SLC4A4: variants seen among roughly 807,000 people sequenced by gnomAD.
The protein encoded by SLC4A4 is electrogenic sodium bicarbonate cotransporter 1.
In SLC4A4, 27 loss-of-function variants were observed where a neutral mutation model predicts 111.5. The observed-to-expected ratio is 0.24, with a 90% CI of 0.18 to 0.33. The LOEUF (loss-of-function observed/expected upper bound fraction) is 0.33. Ranked by LOEUF, SLC4A4 falls within the 10% of genes least tolerant of loss-of-function variation. The pLI is 1.00. For synonymous variants in SLC4A4, 443 were observed against 463.4 expected (o/e 0.96, Z 0.57); for missense variants, 909 against 1,315.5 (o/e 0.69, Z 4.78).
intron 3 of SLC4A4, among the ~76,000 whole-genome samples, chr4:71,338,566 C>CTTTTTTTTT (rs1213292062): frequency 2.2e-5 from 3 of 135,498 alleles, no homozygotes; most frequent in African/African-American, 2.7e-5. Flanking sequence ...TCTTCTTCTT[C>CTTTTTTTTT]TTTTTTTTTT....
intron 3 of SLC4A4, among the ~76,000 whole-genome samples, chr4:71,314,786 A>T (rs1726543530): frequency 1.3e-5 from 2 of 152,000 alleles, no homozygotes; most frequent in South Asian, 4.2e-4. Flanking sequence ...GTGCAAGGGG[A>T]GGGAGAGCAT....
At chr4:71,339,800 A>C (rs1728737999) in intron 4 of SLC4A4, among the ~76,000 whole-genome samples, 1 of 152,132 alleles carries the variant, frequency 6.6e-6, no homozygotes, top group East Asian at 1.9e-4. Context: ...TAATAGTAAA[A>C]TATTTTAGAG....
intron 3 of SLC4A4, among the ~76,000 whole-genome samples, chr4:71,325,291 C>T (rs1166965875): frequency 1.3e-5 from 2 of 151,782 alleles, no homozygotes; most frequent in African/African-American, 4.8e-5. Flanking sequence ...ACACTTAACA[C>T]ATGGAAATTA....
intron 6 of SLC4A4, among the ~76,000 whole-genome samples, chr4:71,359,998 G>C (rs561629072): frequency 1.3e-5 from 2 of 152,188 alleles, no homozygotes; most frequent in South Asian, 4.1e-4. Context: ...AATCTGCTCG[G>C]GAGAGCCAGT....
chr4:71,079,454 T>C (rs916982243), intron 1 of SLC4A4, among the ~76,000 whole-genome samples: 9 of 152,116 alleles, frequency 5.9e-5, no homozygotes, highest in African/African-American at 2.2e-4. Context: ...TCAAGTACTA[T>C]GATGACAGGA....
chr4:71,265,884 C>G (rs1302909476), intron 3 of SLC4A4, among the ~76,000 whole-genome samples: 3 of 152,102 alleles, frequency 2.0e-5, no homozygotes, highest in Non-Finnish European at 4.4e-5. Flanking sequence ...TTTAAAATTA[C>G]CAGCATACCA....
intron 7 of SLC4A4, among the ~76,000 whole-genome samples, chr4:71,422,302 C>G (rs1228135050): frequency 1.4e-5 from 2 of 146,036 alleles, no homozygotes; most frequent in Admixed American, 6.9e-5. Flanking sequence ...AGTTGAATCT[C>G]TGAATAGACC....
chr4:71,129,723 C>T (rs1743651677), intron 2 of SLC4A4, among the ~76,000 whole-genome samples: 1 of 148,368 alleles, frequency 6.7e-6, no homozygotes, highest in South Asian at 2.1e-4. Flanking sequence ...ACCCAAATGC[C>T]CATCAGTGAT....
At chr4:71,255,920 A>T (rs74858983) in intron 3 of SLC4A4, among the ~76,000 whole-genome samples, 2,620 of 152,288 alleles carry the variant, frequency 0.017, 60 homozygotes, top group African/African-American at 0.055. Flanking sequence ...CTGTAGAGTG[A>T]CACAGTTGTT....
chr4:71,161,857 A>G (rs1034559857), intron 2 of SLC4A4, among the ~76,000 whole-genome samples: 2 of 152,214 alleles, frequency 1.3e-5, no homozygotes, highest in Admixed American at 6.5e-5. Context: ...TACATGGATT[A>G]TTTAATCTGT....
chr4:71,362,484 G>A (rs1730884644), intron 6 of SLC4A4, among the ~76,000 whole-genome samples: 1 of 152,190 alleles, frequency 6.6e-6, no homozygotes, highest in Non-Finnish European at 1.5e-5. Flanking sequence ...TATACAATAT[G>A]TTTAAGCACA....
intron 1 of SLC4A4, among the ~76,000 whole-genome samples, chr4:71,227,807 C>T (rs189038879): frequency 6.6e-6 from 1 of 152,110 alleles, no homozygotes. Flanking sequence ...ACACAAGAAG[C>T]CTTGAAGAAG....
intron 2 of SLC4A4, among the ~76,000 whole-genome samples, chr4:71,238,127 G>A (rs1719937216): frequency 6.6e-6 from 1 of 152,160 alleles, no homozygotes; most frequent in Non-Finnish European, 1.5e-5. Flanking sequence ...TGAGCAAATA[G>A]CCTATAGTTT....
chr4:71,159,822 C>G (rs996820387), intron 2 of SLC4A4, among the ~76,000 whole-genome samples: 1 of 152,174 alleles, frequency 6.6e-6, no homozygotes. Flanking sequence ...ATATAAAAAT[C>G]TGAGCATAGT....
At chr4:71,370,057 A>G (rs142549842) in intron 6 of SLC4A4, among the ~76,000 whole-genome samples, 157 of 152,360 alleles carry the variant, frequency 1.0e-3, no homozygotes, top group African/African-American at 3.5e-3. Context: ...TATCCATAAA[A>G]TAGAAACTTA....
rs1330102289 is a variant in SLC4A4, at chr4:71,569,792, A to G, written c.*2041A>G. On this transcript the variant is annotated 3_prime_UTR_variant, in exon 26 of 26. Transcript: ENST00000264485. ...TACAAAAATTTTATTATCCTGAGTT[A>G]GCTGTTACTTTTACAGTACCTGATA... The G allele has an allele frequency of 2.0e-5, 3 of 151,686 alleles. No individual in the cohort carries two copies. The highest frequency in any genetic ancestry group is 7.3e-5 in the African/African-American group (3 of 41,378). The allele number at this position is 151,686 out of a possible 1,614,324, so 9.4% of individuals were successfully genotyped here.
intron 6 of SLC4A4, among the ~76,000 whole-genome samples, chr4:71,397,017 C>T (rs1436878053): frequency 2.0e-5 from 3 of 152,138 alleles, no homozygotes; most frequent in Non-Finnish European, 4.4e-5. Context: ...ACATCAGATG[C>T]CCACTAATGA....
chr4:71,312,411 A>G (rs1462655067), intron 3 of SLC4A4, among the ~76,000 whole-genome samples: 2 of 152,222 alleles, frequency 1.3e-5, no homozygotes, highest in African/African-American at 4.8e-5. Flanking sequence ...ACTCCTCCCT[A>G]ACTCATTTTA....
upstream of SLC4A4, among the ~76,000 whole-genome samples, chr4:71,184,188 A>G (rs1745383738): frequency 6.6e-6 from 1 of 152,184 alleles, no homozygotes. Flanking sequence ...TAATAATCCT[A>G]TCTGCAGGTC....
Sources: allele counts gnomAD v4.1 joint callset (sites outside exome capture counted in the v4.1 genomes callset), GRCh38; gene constraint gnomAD v4.1.1; transcripts MANE v1.5; gene names NCBI Gene and HGNC (gene_info 2026-07-23, HGNC 2026-07-21).